The following H1-6 variants were observed in gnomAD, a reference collection of about 807,000 sequenced individuals.
H1-6 encodes H1.6 linker histone, cluster member.
For missense variants in H1-6, 538 were observed against 246.5 expected, an observed-to-expected ratio of 2.18 and a Z score of -7.92; for synonymous variants, 225 against 100.1, an observed-to-expected ratio of 2.25 and a Z score of -7.45.
rs1010393876 is a variant in H1-6, at chr6:26,107,641, C to T, written c.453G>A (p.Lys151=). The change falls in exon 1 of 1, where the codon AAG becomes AAA. Residue 151 remains lysine, a synonymous_variant. Coordinates refer to ENST00000338379, the MANE Select transcript of H1-6 (RefSeq NM_005323.4). The stretch of plus-strand genomic sequence containing the variant: ...TTGTCGCTCTCGGCTTCTTGGCTCT[C>T]TTATTGGTTTTAGCAGTCTTTGGTG... ...SKSPKTAKTN[K]RAKKPRATTP... is the part of the protein sequence containing the mutation. 20 of 1,614,156 alleles carry T rather than the reference C, an allele frequency of 1.2e-5. No homozygotes were observed. Among genetic ancestry groups the T allele is most frequent in the Non-Finnish European group, 1.7e-5 (20 of 1,180,014 alleles).
In H1-6 at chr6:26,107,664, G is replaced by A. The variant is rs768991453; in HGVS notation, c.430C>T (p.Pro144Ser). Residue 144 changes from proline (P) to serine (S), a missense_variant, in exon 1 of 1, where the codon CCA becomes TCA. Pro to Ser is a moderately conservative substitution (Grantham distance 74). Coordinates refer to ENST00000338379, the MANE Select transcript of H1-6 (RefSeq NM_005323.4). ...KLVLSRDSKS[P>S]KTAKTNKRAK... ...CTCTTATTGGTTTTAGCAGTCTTTG[G>A]TGACTTGGAGTCCCTGGATAAAACC... The A allele has an allele frequency of 1.2e-6, 2 of 1,614,062 alleles. No individual in the cohort carries two copies. The highest frequency in any genetic ancestry group is 8.5e-7 in the Non-Finnish European group (1 of 1,180,004).
In H1-6 at chr6:26,108,106, A is replaced by T; in HGVS notation, c.-13T>A. 1 of 1,611,526 alleles carries T rather than the reference A, an allele frequency of 6.2e-7. No individual in the cohort carries two copies. Among genetic ancestry groups the T allele is most frequent in the South Asian group, 1.1e-5 (1 of 90,894 alleles). ...CGGTTTCAGACATAACAACAGAGAA[A>T]CGCAAGATGTAATAACCAGCGAAAA... On this transcript the variant is annotated 5_prime_UTR_variant, in exon 1 of 1. Transcript: ENST00000338379.
chr6:26,108,029 G>C lies in H1-6; in HGVS notation c.65C>G (p.Thr22Ser). Residue 22 changes from threonine (T) to serine (S), a missense_variant, in exon 1 of 1, where the codon ACC (threonine) becomes AGC (serine). Coordinates refer to ENST00000338379, the MANE Select transcript of H1-6 (RefSeq NM_005323.4). ...AGCCGGCTTCCTCCCTCGCTTCTTG[G>C]TTGGAAGTTTCTCCATAGCGGCTAC... is the stretch of plus-strand genomic sequence containing the variant. Reference protein sequence around the residue: ...AGVAAMEKLPTKKRGRKPAGL... With the variant: ...AGVAAMEKLPSKKRGRKPAGL... The C allele has an allele frequency of 6.2e-7, 1 of 1,614,196 alleles. No individual in the cohort carries two copies. The highest frequency in any genetic ancestry group is 8.5e-7 in the Non-Finnish European group (1 of 1,180,042).
At position 26,107,513 on chromosome 6, in the gene H1-6, T is replaced by C; in HGVS notation, c.581A>G (p.Gln194Arg). 6.2e-7 allele frequency: 1 copy of C among 1,610,260 alleles called. No homozygotes were observed. Among genetic ancestry groups the C allele is most frequent in the South Asian group, 1.1e-5 (1 of 90,166 alleles). ...CTTTCTAACATTAACTTCATGATGT[T>C]GGGTCAATTTTGACTTCGAAGCCCT... ...KARASKSKLT[Q>R]HHEVNVRKAT... Residue 194 changes from glutamine to arginine, a missense_variant, in exon 1 of 1, where the codon CAA becomes CGA. Physicochemically the swap from Gln to Arg is conservative, Grantham distance 43. Coordinates refer to ENST00000338379, the MANE Select transcript of H1-6 (RefSeq NM_005323.4).
Position 26,107,775 on chromosome 6 carries a change from C to G in H1-6, c.319G>C (p.Gly107Arg). Residue 107 changes from glycine (G) to arginine (R), a missense_variant, in exon 1 of 1, where the codon GGT becomes CGT. Gly to Arg is a moderately radical substitution (Grantham distance 125, BLOSUM62 -2). Coordinates refer to ENST00000338379, the MANE Select transcript of H1-6 (RefSeq NM_005323.4). Reference protein sequence around the residue: ...LVQTRGTGASGSFKLSKKVIP... With the variant: ...LVQTRGTGASRSFKLSKKVIP... ...ACCTTCTTACTAAGCTTAAAGGAACCGGAAGCACCAGTACCCCTGGTTTGC... is the reference window on the plus strand; with the variant it reads ...ACCTTCTTACTAAGCTTAAAGGAACGGGAAGCACCAGTACCCCTGGTTTGC... 6.2e-7 allele frequency: 1 copy of G among 1,614,186 alleles called. No individual in the cohort carries two copies. The highest frequency in any genetic ancestry group is 1.3e-5 in the African/African-American group (1 of 75,036).
Position 26,108,096 on chromosome 6 carries a change from C to A in H1-6, c.-3G>T, listed in dbSNP as rs750119374. The A allele has an allele frequency of 1.2e-6, 2 of 1,612,458 alleles. No individual in the cohort carries two copies. The highest frequency in any genetic ancestry group is 2.7e-5 in the African/African-American group (2 of 74,830). ...GCTGCAGGCACGGTTTCAGACATAACAACAGAGAAACGCAAGATGTAATAA... is the reference window on the plus strand; with the variant it reads ...GCTGCAGGCACGGTTTCAGACATAAAAACAGAGAAACGCAAGATGTAATAA... On this transcript the variant is annotated 5_prime_UTR_variant, in exon 1 of 1. Transcript: ENST00000338379.
Position 26,107,868 on chromosome 6 carries a change from C to G in H1-6, c.226G>C (p.Asp76His), listed in dbSNP as rs180928364. The change falls in exon 1 of 1, where the codon GAC becomes CAC. Residue 76 changes from aspartate to histidine, a missense_variant. By Grantham distance (81) the Asp-to-His change is moderately conservative. Coordinates refer to ENST00000338379, the MANE Select transcript of H1-6 (RefSeq NM_005323.4). ...ATGCGGCTGTTATTCTTCTCTACGTCGTAGCCAGCAGCGGCCAATGCCTTC... is the reference window on the plus strand; with the variant it reads ...ATGCGGCTGTTATTCTTCTCTACGTGGTAGCCAGCAGCGGCCAATGCCTTC... ...LKKALAAAGY[D>H]VEKNNSRIKL... is the part of the protein sequence containing the mutation. 82 of 1,614,214 alleles carry G rather than the reference C, an allele frequency of 5.1e-5. No homozygotes were observed. The highest frequency in any genetic ancestry group is 6.6e-5 in the Non-Finnish European group (78 of 1,180,044).
rs766873739 is a variant in H1-6 at position 26,107,436 on chromosome 6, G to C, written c.*34C>G. 5 of 1,546,796 alleles carry C rather than the reference G, an allele frequency of 3.2e-6. No homozygotes were observed. Among genetic ancestry groups the C allele is most frequent in the Non-Finnish European group, 2.6e-6 (3 of 1,151,888 alleles). On this transcript the variant is annotated 3_prime_UTR_variant, in exon 1 of 1. Coordinates refer to ENST00000338379, the MANE Select transcript of H1-6 (RefSeq NM_005323.4). ...GTGGGTGGCTCTTAAAAGAGCCTTT[G>C]GGTTCTTTCCAAATTGGCCTCCCGG... is the stretch of plus-strand genomic sequence containing the variant.
Position 26,108,049 on chromosome 6 carries a change from G to T in H1-6, c.45C>A (p.Ala15=), listed in dbSNP as rs944250995. 6.2e-7 allele frequency: 1 copy of T among 1,614,014 alleles called. No homozygotes were observed. The highest frequency in any genetic ancestry group is 2.2e-5 in the East Asian group (1 of 44,890). ...VPAASASAGV[A]AMEKLPTKKR... ...TCTTGGTTGGAAGTTTCTCCATAGC[G>T]GCTACACCAGCACTGGCAGAAGCTG... Residue 15 remains alanine (A), a synonymous_variant, in exon 1 of 1, where the codon GCC becomes GCA. Transcript: ENST00000338379.
rs762851947 is a variant in H1-6, at chr6:26,107,751, CCTT to C, written c.340_342del (p.Lys114del). 13 of 1,614,076 alleles carry C rather than the reference CCTT, an allele frequency of 8.1e-6. No individual in the cohort carries two copies. Among genetic ancestry groups the C allele is most frequent in the African/African-American group, 2.7e-5 (2 of 74,926 alleles). On this transcript the variant is annotated inframe_deletion, in exon 1 of 1. Coordinates refer to ENST00000338379, the MANE Select transcript of H1-6 (RefSeq NM_005323.4). ...TTGCTTCTGGTAGATTTAGGAATCA[CCTT>C]CTTACTAAGCTTAAAGGAACCGGAA...
Position 26,107,618 on chromosome 6 carries a change from G to C in H1-6, c.476C>G (p.Thr159Arg), listed in dbSNP as rs778073710. 1.4e-5 allele frequency: 23 copies of C among 1,614,044 alleles called. 1 individual carries two copies. In the East Asian group the frequency reaches 1.8e-4, roughly 13 times the overall value. Residue 159 changes from threonine to arginine, a missense_variant, in exon 1 of 1, where the codon ACA becomes AGA. Transcript: ENST00000338379. ...TNKRAKKPRA[T>R]TPKTVRSGRK... ...CCCGCTCCTAACAGTTTTAGGAGTT[G>C]TCGCTCTCGGCTTCTTGGCTCTCTT...
Position 26,107,641 on chromosome 6 carries a change from C to CT in H1-6, c.452dup (p.Arg152GlufsTer11). 2.5e-6 allele frequency: 4 copies of CT among 1,614,156 alleles called. No individual in the cohort carries two copies. Among genetic ancestry groups the CT allele is most frequent in the Non-Finnish European group, 3.4e-6 (4 of 1,180,014 alleles). ...TTGTCGCTCTCGGCTTCTTGGCTCT[C>CT]TTATTGGTTTTAGCAGTCTTTGGTG... On this transcript the variant is annotated frameshift_variant, in exon 1 of 1. Transcript: ENST00000338379. LOFTEE classifies it low-confidence loss of function (END_TRUNC).
In H1-6 at chr6:26,107,798, T is replaced by TA. The variant is rs1221892163; in HGVS notation, c.295_296insT (p.Gln99LeufsTer12). The stretch of plus-strand genomic sequence containing the variant: ...ACCGGAAGCACCAGTACCCCTGGTT[T>TA]GCACCAGGATTCCCTTGTTCACTAA... On this transcript the variant is annotated frameshift_variant, in exon 1 of 1. Transcript: ENST00000338379. LOFTEE classifies it low-confidence loss of function (END_TRUNC). 5 of 1,613,864 alleles carry TA rather than the reference T, an allele frequency of 3.1e-6. No homozygotes were observed.
chr6:26,107,804 A>G lies in H1-6; in HGVS notation c.290T>C (p.Leu97Pro), dbSNP rs1196950260. 3 of 1,614,266 alleles carry G rather than the reference A, an allele frequency of 1.9e-6. No homozygotes were observed. Among genetic ancestry groups the G allele is most frequent in the Non-Finnish European group, 2.5e-6 (3 of 1,180,044 alleles). Residue 97 changes from leucine (L) to proline (P), a missense_variant, in exon 1 of 1, where the codon CTG becomes CCG. Coordinates refer to ENST00000338379, the MANE Select transcript of H1-6 (RefSeq NM_005323.4). Reference sequence around the variant, plus strand: ...AGCACCAGTACCCCTGGTTTGCACCAGGATTCCCTTGTTCACTAAGCTCTT... The same window carrying G: ...AGCACCAGTACCCCTGGTTTGCACCGGGATTCCCTTGTTCACTAAGCTCTT... ...SLKSLVNKGILVQTRGTGASG... is the reference protein window; with the variant it reads ...SLKSLVNKGIPVQTRGTGASG...
At position 26,107,970 on chromosome 6, in the gene H1-6, G is replaced by A. The variant is rs199870319; in HGVS notation, c.124C>T (p.Leu42Phe). ...LISASRKVPN[L>F]SVSKLITEAL... ...TCGGTGATCAACTTGGACACAGAGA[G>A]GTTCGGCACTTTGCGACTTGCACTT... The change falls in exon 1 of 1, where the codon CTC becomes TTC. Residue 42 changes from leucine (L) to phenylalanine (F), a missense_variant. By Grantham distance (22) the Leu-to-Phe change is conservative. Transcript: ENST00000338379. The A allele has an allele frequency of 2.7e-4, 441 of 1,614,244 alleles. No individual in the cohort carries two copies. Among genetic ancestry groups the A allele is most frequent in the Non-Finnish European group, 3.5e-4 (414 of 1,180,050 alleles).
Position 26,107,642 on chromosome 6 carries a change from T to G in H1-6, c.452A>C (p.Lys151Thr). The change falls in exon 1 of 1, where the codon AAG (lysine) becomes ACG (threonine). Residue 151 changes from lysine (K) to threonine (T), a missense_variant. Transcript: ENST00000338379. ...SKSPKTAKTN[K>T]RAKKPRATTP... ...TGTCGCTCTCGGCTTCTTGGCTCTC[T>G]TATTGGTTTTAGCAGTCTTTGGTGA... The G allele has an allele frequency of 6.2e-7, 1 of 1,614,170 alleles. No individual in the cohort carries two copies. The highest frequency in any genetic ancestry group is 8.5e-7 in the Non-Finnish European group (1 of 1,180,010).
In H1-6 at chr6:26,107,880, C is replaced by A. The variant is rs1041990834; in HGVS notation, c.214G>T (p.Ala72Ser). The A allele has an allele frequency of 1.2e-6, 2 of 1,614,234 alleles. No homozygotes were observed. Among genetic ancestry groups the A allele is most frequent in the Admixed American group, 3.3e-5 (2 of 60,030 alleles). ...TTCTTCTCTACGTCGTAGCCAGCAG[C>A]GGCCAATGCCTTCTTGAGCGCAACC... ...SLVALKKALAAAGYDVEKNNS... is the reference protein window; with the variant it reads ...SLVALKKALASAGYDVEKNNS... The change falls in exon 1 of 1, where the codon GCT (alanine) becomes TCT (serine). Residue 72 changes from alanine to serine, a missense_variant. Physicochemically the swap from Ala to Ser is moderately conservative, Grantham distance 99 (BLOSUM62 1). Transcript: ENST00000338379.
Position 26,107,688 on chromosome 6 carries a change from C to G in H1-6, c.406G>C (p.Val136Leu), listed in dbSNP as rs750612453. ...GGTGACTTGGAGTCCCTGGATAAAA[C>G]CAGCTTCTTGGTCTTGGCAGAAACT... is the stretch of plus-strand genomic sequence containing the variant. ...KSVSAKTKKL[V>L]LSRDSKSPKT... Residue 136 changes from valine (V) to leucine (L), a missense_variant, in exon 1 of 1, where the codon GTT (valine) becomes CTT (leucine). Physicochemically the swap from Val to Leu is conservative, Grantham distance 32. Coordinates refer to ENST00000338379, the MANE Select transcript of H1-6 (RefSeq NM_005323.4). 6 of 1,614,112 alleles carry G rather than the reference C, an allele frequency of 3.7e-6. No individual in the cohort carries two copies. In the Admixed American group the frequency reaches 1.0e-4, roughly 27 times the overall value.
chr6:26,107,830 G>A lies in H1-6; in HGVS notation c.264C>T (p.Leu88=), dbSNP rs1381150752. The A allele has an allele frequency of 6.2e-7, 1 of 1,614,240 alleles. No individual in the cohort carries two copies. ...EKNNSRIKLS[L]KSLVNKGILV... ...GGATTCCCTTGTTCACTAAGCTCTT[G>A]AGGGACAGTTTGATGCGGCTGTTAT... Residue 88 remains leucine, a synonymous_variant, in exon 1 of 1, where the codon CTC becomes CTT. Transcript: ENST00000338379.
Sources: gnomAD v4.1 joint callset for allele counts on GRCh38, gnomAD v4.1.1 for gene constraint, MANE v1.5 for transcripts, NCBI Gene and HGNC (gene_info 2026-07-23, HGNC 2026-07-21) for gene names.